GTF2F2: variants seen among roughly 807,000 people sequenced by gnomAD.
GTF2F2 encodes the protein general transcription factor IIF subunit 2.
GTF2F2 carries 23 observed loss-of-function variants against 42.2 expected under a neutral mutation model. The observed-to-expected ratio is 0.55, with a 90% CI of 0.39 to 0.77. GTF2F2 has a LOEUF of 0.77. Ranked by LOEUF, GTF2F2 falls within the 30% of genes least tolerant of loss-of-function variation. GTF2F2 has a pLI of 0.00. For synonymous variants in GTF2F2, 105 were observed against 100.8 expected (o/e 1.04, Z -0.25); for missense variants, 261 against 287.2 (o/e 0.91, Z 0.66).
intron 4 of GTF2F2, among the ~76,000 whole-genome samples, chr13:45,202,440 GGT>G (rs78236433): frequency 6.6e-6 from 1 of 151,610 alleles, no homozygotes; most frequent in African/African-American, 2.4e-5. Context: ...CATCTGAGTG[GGT>G]GTGTGTGTGT....
At chr13:45,229,223 TCTCA>T (rs1231018558) in intron 5 of GTF2F2, among the ~76,000 whole-genome samples, 1 of 152,044 alleles carries the variant, frequency 6.6e-6, no homozygotes, top group Non-Finnish European at 1.5e-5. Context: ...TCTTTTTCTC[TCTCA>T]CTGTCTCTTC....
At chr13:45,161,484 T>A (rs1424124088) in intron 4 of GTF2F2, among the ~76,000 whole-genome samples, 2 of 152,214 alleles carry the variant, frequency 1.3e-5, no homozygotes, top group Non-Finnish European at 2.9e-5. Flanking sequence ...CCCCCAGTGC[T>A]TCTTAGGGGA....
chr13:45,136,966 G>T (rs1375010299), intron 2 of GTF2F2, among the ~76,000 whole-genome samples, 160 bp downstream of exon 2: 1 of 152,178 alleles, frequency 6.6e-6, no homozygotes, highest in African/African-American at 2.4e-5. Flanking sequence ...GCCCTGTAAG[G>T]AGACATCCTT....
chr13:45,214,272 T>C (rs1370836721), intron 5 of GTF2F2, among the ~76,000 whole-genome samples: 1 of 152,196 alleles, frequency 6.6e-6, no homozygotes, highest in Admixed American at 6.5e-5. Flanking sequence ...ATTCATCAAA[T>C]GTAAGTTAGT....
intron 6 of GTF2F2, among the ~76,000 whole-genome samples, chr13:45,258,477 C>T (rs1876193232): frequency 6.6e-6 from 1 of 152,212 alleles, no homozygotes; most frequent in Admixed American, 6.5e-5. Flanking sequence ...CTGCAGACCT[C>T]TTGCCACCCC....
At chr13:45,168,692 A>AC (rs1871421902) in intron 4 of GTF2F2, among the ~76,000 whole-genome samples, 2 of 151,066 alleles carry the variant, frequency 1.3e-5, no homozygotes, top group Admixed American at 1.3e-4. Flanking sequence ...GGTTCATGGC[A>AC]CCCCCTACCT....
At chr13:45,223,302 C>T (rs1366450554) in intron 5 of GTF2F2, among the ~76,000 whole-genome samples, 1 of 148,270 alleles carries the variant, frequency 6.7e-6, no homozygotes, top group Non-Finnish European at 1.5e-5. Context: ...TTTTTATAAT[C>T]CAAAATGATG....
At chr13:45,259,058 G>A (rs1484864922) in intron 6 of GTF2F2, among the ~76,000 whole-genome samples, 1 of 152,026 alleles carries the variant, frequency 6.6e-6, no homozygotes, top group African/African-American at 2.4e-5. Flanking sequence ...CTTCTCATAA[G>A]GAATCATGTC....
At chr13:45,169,367 G>A (rs1871480966) in intron 4 of GTF2F2, among the ~76,000 whole-genome samples, 2 of 152,142 alleles carry the variant, frequency 1.3e-5, no homozygotes, top group South Asian at 4.1e-4. Flanking sequence ...CAATTGAGTG[G>A]CCATCTGCAA....
chr13:45,124,067 A>G (rs531968223), intron 1 of GTF2F2: 1 of 1,004,668 alleles, frequency 1.0e-6, no homozygotes, highest in Non-Finnish European at 1.5e-6. Context: ...GCTGTAGCCA[A>G]ATTCATTGTC....
intron 7 of GTF2F2, among the ~76,000 whole-genome samples, chr13:45,269,062 A>G (rs1301795575): frequency 2.0e-5 from 3 of 152,216 alleles, no homozygotes; most frequent in Admixed American, 6.5e-5. Flanking sequence ...CATAGTTTGT[A>G]TCAGATTCTC....
chr13:45,156,993 A>T (rs1448026320), intron 4 of GTF2F2, among the ~76,000 whole-genome samples: 1 of 152,176 alleles, frequency 6.6e-6, no homozygotes, highest in Non-Finnish European at 1.5e-5. Flanking sequence ...AACATAAGTA[A>T]ATTATATTGC....
At chr13:45,122,471 TA>T (rs34272119) in intron 1 of GTF2F2, among the ~76,000 whole-genome samples, 14,534 of 151,692 alleles carry the variant, frequency 0.096, 1,803 homozygotes, top group African/African-American at 0.29. Flanking sequence ...CCATCTCTAC[TA>T]AAAATACAAA....
chr13:45,199,720 C>T (rs1873081266), intron 4 of GTF2F2, among the ~76,000 whole-genome samples: 2 of 152,274 alleles, frequency 1.3e-5, no homozygotes, highest in East Asian at 1.9e-4. Context: ...TAACCATTAT[C>T]TACAATCTCA....
rs1444585736 is a variant in GTF2F2, at chr13:45,165,547, CCTTT to C, written c.304+13722_304+13725del. On this transcript the variant is annotated intron_variant, in intron 4 of 7. Coordinates refer to ENST00000340473, the MANE Select transcript of GTF2F2 (RefSeq NM_004128.3). ...ATTTTTCATCAGGAAAGAAAATAAA[CCTTT>C]CTTTCCACTGCCCTCGCCCCCCCCC... is the stretch of plus-strand genomic sequence containing the variant. Among the ~76,000 whole-genome samples the C allele has an allele frequency of 5.5e-5, 8 of 146,258 alleles. 1 individual carries two copies. The highest frequency in any genetic ancestry group is 4.1e-4 in the Admixed American group (6 of 14,694).
At chr13:45,127,938 C>CTTTTTTTTTTTTTTTTTTTTTTTTTTTT in intron 1 of GTF2F2, among the ~76,000 whole-genome samples, 49 of 48,614 alleles carry the variant, frequency 1.0e-3, no homozygotes, top group Non-Finnish European at 1.4e-3. Context: ...GCACCCCGGC[C>CTTTTTTTTTTTTTTTTTTTTTTTTTTTT]TTTTTTTTTT....
chr13:45,151,911 C>CTTTTTTT (rs773005628), intron 4 of GTF2F2, 80 bp downstream of exon 4: 106 of 142,208 alleles, frequency 7.5e-4, no homozygotes, highest in African/African-American at 1.0e-3. Flanking sequence ...CTCCTATTTG[C>CTTTTTTT]TTTTTTTTTT....
intron 5 of GTF2F2, among the ~76,000 whole-genome samples, chr13:45,250,326 G>T (rs1396579395): frequency 6.6e-6 from 1 of 152,050 alleles, no homozygotes; most frequent in East Asian, 1.9e-4. Context: ...AATTACAGGT[G>T]TGAGCCACTA....
At chr13:45,189,181 C>T (rs757576027) in intron 4 of GTF2F2, among the ~76,000 whole-genome samples, 3 of 152,090 alleles carry the variant, frequency 2.0e-5, no homozygotes, top group Non-Finnish European at 1.5e-5. Flanking sequence ...TGATATTTTG[C>T]CGAGAATGAT....
Sources: allele counts gnomAD v4.1 joint callset (sites outside exome capture counted in the v4.1 genomes callset), GRCh38; gene constraint gnomAD v4.1.1; transcripts MANE v1.5; gene names NCBI Gene and HGNC (gene_info 2026-07-23, HGNC 2026-07-21).